UGT2B17: variants seen among roughly 807,000 people sequenced by gnomAD.
UGT2B17 encodes the protein UDP glucuronosyltransferase family 2 member B17.
A neutral mutation model predicts 48.2 loss-of-function variants in UGT2B17; 21 were observed. The ratio of observed to expected loss-of-function variants is 0.44; its 90% CI spans 0.31 to 0.63. UGT2B17 has a LOEUF of 0.63. Among genes scored for constraint, UGT2B17 ranks in the 20% least tolerant of loss-of-function variants. UGT2B17 has a pLI of 0.08. For synonymous variants in UGT2B17, 146 were observed against 238.4 expected (o/e 0.61, Z 3.57); for missense variants, 402 against 696.1 (o/e 0.58, Z 4.75).
In UGT2B17 at chr4:68,540,006, G is replaced by T. The variant is rs1359291711; in HGVS notation, c.1314-2102C>A. Reference sequence around the variant, plus strand: ...TCACCATGTTGGCCAGGCTGGTCTCGAACTCCTGACCAAATGTGATCCTCC... The same window carrying T: ...TCACCATGTTGGCCAGGCTGGTCTCTAACTCCTGACCAAATGTGATCCTCC... On this transcript the variant is annotated intron_variant, in intron 6 of 6. Transcript: ENST00000317746. Among the ~76,000 whole-genome samples the T allele has an allele frequency of 3.4e-4, 41 of 122,228 alleles. 10 individuals carry two copies. Among genetic ancestry groups the T allele is most frequent in the African/African-American group, 1.1e-3 (38 of 35,810 alleles). 80.2% of individuals were successfully genotyped at this position (122,228 alleles called of 152,430 possible). A position where few individuals can be genotyped will look rare whatever the true frequency, so the allele number is the denominator to read the frequency against.
rs193240814 is a variant in UGT2B17 at position 68,558,324 on chromosome 4, G to A, written c.1005+2213C>T. Among the ~76,000 whole-genome samples the A allele has an allele frequency of 1.5e-3, 185 of 124,684 alleles. 38 individuals carry two copies. The highest frequency in any genetic ancestry group is 4.5e-3 in the African/African-American group (167 of 36,838). The allele number at this position is 124,684 out of a possible 152,430, so 81.8% of individuals were successfully genotyped here. On this transcript the variant is annotated intron_variant, in intron 4 of 6. Coordinates refer to ENST00000317746, the MANE Select transcript of UGT2B17 (RefSeq NM_001077.4). Reference sequence around the variant, plus strand: ...GAATTCTAATTTTTCATGGCTACACGTCTTCAAAATAGTGTCTTCAGGTTT... The same window carrying A: ...GAATTCTAATTTTTCATGGCTACACATCTTCAAAATAGTGTCTTCAGGTTT...
Position 68,559,449 on chromosome 4 carries a change from A to G in UGT2B17, c.1005+1088T>C. On this transcript the variant is annotated intron_variant, in intron 4 of 6. Coordinates refer to ENST00000317746, the MANE Select transcript of UGT2B17 (RefSeq NM_001077.4). Reference sequence around the variant, plus strand: ...TTAGATGATGCACTACCTAGCATTGACAGCCTTGATATATGGTCAGCTATA... The same window carrying G: ...TTAGATGATGCACTACCTAGCATTGGCAGCCTTGATATATGGTCAGCTATA... Among the ~76,000 whole-genome samples the G allele has an allele frequency of 1.6e-5, 2 of 126,156 alleles. 1 individual carries two copies. The highest frequency in any genetic ancestry group is 3.4e-5 in the Non-Finnish European group (2 of 59,578). 82.8% of individuals were successfully genotyped at this position (126,156 alleles called of 152,430 possible). A position where few individuals can be genotyped will look rare whatever the true frequency, so the allele number is the denominator to read the frequency against.
At position 68,572,523 on chromosome 4, in the gene UGT2B17, TGTGA is replaced by T. The variant is rs2109780671; in HGVS notation, c.-65+3424_-65+3427del. ...TGATATTAGTGTTAGTCAGTTTTGT[TGTGA>T]GTGTTAGAAAGAGGGCATATAGAAC... On this transcript the variant is annotated intron_variant, in intron 1 of 6. Transcript: ENST00000317746. 1.6e-5 allele frequency among the ~76,000 whole-genome samples: 2 copies of T among 126,432 alleles called. 1 individual carries two copies. Among genetic ancestry groups the T allele is most frequent in the African/African-American group, 5.4e-5 (2 of 36,920 alleles). The allele number at this position is 126,432 out of a possible 152,430, so 82.9% of individuals were successfully genotyped here.
intron 1 of UGT2B17, among the ~76,000 whole-genome samples, chr4:68,572,446 T>A (rs1435827138): frequency 7.9e-6 from 1 of 126,262 alleles, no homozygotes; most frequent in African/African-American, 2.7e-5. Context: ...ATACAAACAA[T>A]TTGTTGTTGT....
intron 5 of UGT2B17, 80 bp from the exon 6 acceptor site, chr4:68,550,976 T>G: frequency 9.3e-7 from 1 of 1,078,372 alleles, no homozygotes; most frequent in South Asian, 2.4e-5. Context: ...ATAAGGAACT[T>G]AAAGCAAAAC....
chr4:68,542,987 C>A lies in UGT2B17; in HGVS notation c.1314-5083G>T, dbSNP rs138306748. Among the ~76,000 whole-genome samples the A allele has an allele frequency of 2.4e-5, 3 of 126,540 alleles. 1 individual carries two copies. The highest frequency in any genetic ancestry group is 5.0e-5 in the Non-Finnish European group (3 of 59,636). 83.0% of individuals were successfully genotyped at this position (126,540 alleles called of 152,430 possible). A position where few individuals can be genotyped will look rare whatever the true frequency, so the allele number is the denominator to read the frequency against. ...GCCCACCGCAGCTCAAGGACGCCTGCCTGCCTCTGTAGATCCACCTCTGGG... is the reference window on the plus strand; with the variant it reads ...GCCCACCGCAGCTCAAGGACGCCTGACTGCCTCTGTAGATCCACCTCTGGG... On this transcript the variant is annotated intron_variant, in intron 6 of 6. Transcript: ENST00000317746.
chr4:68,558,991 C>G (rs2109771255), intron 4 of UGT2B17, among the ~76,000 whole-genome samples: 1 of 125,460 alleles, frequency 8.0e-6, no homozygotes, highest in Non-Finnish European at 1.7e-5. Context: ...ACAAGATTAT[C>G]AATGAAATAT....
At position 68,544,825 on chromosome 4, in the gene UGT2B17, G is replaced by A. The variant is rs1338500854; in HGVS notation, c.1313+5852C>T. 1.6e-5 allele frequency among the ~76,000 whole-genome samples: 2 copies of A among 125,464 alleles called. 1 individual carries two copies. The highest frequency in any genetic ancestry group is 5.4e-5 in the African/African-American group (2 of 36,702). The allele number at this position is 125,464 out of a possible 152,430, so 82.3% of individuals were successfully genotyped here. ...CTCTGATAAAACAGACTTTAAACCAGCAAAGATCAAAAGAGACAAGGCCAT... is the reference window on the plus strand; with the variant it reads ...CTCTGATAAAACAGACTTTAAACCAACAAAGATCAAAAGAGACAAGGCCAT... On this transcript the variant is annotated intron_variant, in intron 6 of 6. Coordinates refer to ENST00000317746, the MANE Select transcript of UGT2B17 (RefSeq NM_001077.4).
At position 68,545,449 on chromosome 4, in the gene UGT2B17, C is replaced by T. The variant is rs1462884151; in HGVS notation, c.1313+5228G>A. ...AGTGTGTAGATGGAAATTTATAGCACTAAATGCCCACAAGAGAAAGCAGGA... is the reference window on the plus strand; with the variant it reads ...AGTGTGTAGATGGAAATTTATAGCATTAAATGCCCACAAGAGAAAGCAGGA... On this transcript the variant is annotated intron_variant, in intron 6 of 6. Transcript: ENST00000317746. Among the ~76,000 whole-genome samples the T allele has an allele frequency of 3.2e-5, 4 of 124,214 alleles. 2 individuals are homozygous for T. Among genetic ancestry groups the T allele is most frequent in the African/African-American group, 1.1e-4 (4 of 36,080 alleles). The allele number at this position is 124,214 out of a possible 152,430, so 81.5% of individuals were successfully genotyped here.
intron 3 of UGT2B17, among the ~76,000 whole-genome samples, chr4:68,562,593 T>G (rs1440384971): frequency 7.9e-6 from 1 of 126,114 alleles, no homozygotes; most frequent in African/African-American, 2.7e-5. Context: ...TAAAAAATCG[T>G]CTGTTTATAG....
intron 6 of UGT2B17, among the ~76,000 whole-genome samples, chr4:68,542,475 C>A (rs1225767740): frequency 7.9e-6 from 1 of 126,082 alleles, no homozygotes; most frequent in Non-Finnish European, 1.7e-5. Flanking sequence ...CCAAGATGGC[C>A]GAATAAGAAC....
At position 68,547,028 on chromosome 4, in the gene UGT2B17, TC is replaced by T. The variant is rs1421012315; in HGVS notation, c.1313+3648del. Among the ~76,000 whole-genome samples the T allele has an allele frequency of 3.5e-4, 42 of 120,814 alleles. 10 individuals are homozygous for T. Among genetic ancestry groups the T allele is most frequent in the African/African-American group, 1.1e-3 (40 of 35,616 alleles). The allele number at this position is 120,814 out of a possible 152,430, so 79.3% of individuals were successfully genotyped here. A position where few individuals can be genotyped will look rare whatever the true frequency, so the allele number is the denominator to read the frequency against. On this transcript the variant is annotated intron_variant, in intron 6 of 6. Transcript: ENST00000317746. ...AAGGTAATTTATAGATCCAATGCCA[TC>T]CCCATCAAGCTACCAATGACTTTCT...
rs200297329 is a variant in UGT2B17, at chr4:68,565,557, C to T, written c.873+15G>A. 27 of 1,353,002 alleles carry T rather than the reference C, an allele frequency of 2.0e-5. 6 individuals are homozygous for T. Among genetic ancestry groups the T allele is most frequent in the Non-Finnish European group, 2.6e-5 (27 of 1,042,716 alleles). The allele number at this position is 1,353,002 out of a possible 1,614,324, so 83.8% of individuals were successfully genotyped here. ...GAAAATGTCAAGCAAACAAATGAAA[C>T]AAGAATATGTTCACCTTAGGCAAGG... is the stretch of plus-strand genomic sequence containing the variant. On this transcript the variant is annotated intron_variant, in intron 3 of 6. Coordinates refer to ENST00000317746, the MANE Select transcript of UGT2B17 (RefSeq NM_001077.4).
rs147404615 is a variant in UGT2B17 at position 68,551,834 on chromosome 4, A to G, written c.1083T>C (p.Asn361=). 40 of 1,348,588 alleles carry G rather than the reference A, an allele frequency of 3.0e-5. 6 individuals are homozygous for G. The African/African-American group carries it at 4.8e-4, about 16-fold the overall frequency. 83.5% of individuals were successfully genotyped at this position (1,348,588 alleles called of 1,614,324 possible). Residue 361 remains asparagine (N), a synonymous_variant, in exon 5 of 7, where the codon AAT becomes AAC. Transcript: ENST00000317746. ...NTRLYKWLPQ[N]DLLGHPKTKA... is the part of the protein sequence containing the mutation. ...TCTCCAGAGTCTTACCAAGAAGGTC[A>G]TTCTGGGGTAACCACTTATACAGTC...
Position 68,537,489 on chromosome 4 carries a change from A to G in UGT2B17, c.*136T>C. On this transcript the variant is annotated 3_prime_UTR_variant, in exon 7 of 7. Transcript: ENST00000317746. ...TACATATTAAATTCCTGGAAAATAA[A>G]TTTTGACTTAACAGGGTAAGTTGTG... The G allele has an allele frequency of 1.3e-6, 1 of 760,576 alleles. No individual in the cohort carries two copies. Among genetic ancestry groups the G allele is most frequent in the Non-Finnish European group, 1.8e-6 (1 of 569,078 alleles). The allele number at this position is 760,576 out of a possible 1,614,324, so 47.1% of individuals were successfully genotyped here.
At chr4:68,575,362 T>C (rs1444666757) in intron 1 of UGT2B17, among the ~76,000 whole-genome samples, 1 of 123,536 alleles carries the variant, frequency 8.1e-6, no homozygotes, top group African/African-American at 2.8e-5. Context: ...GTGCCATACC[T>C]TAGAAACTAA....
chr4:68,572,234 G>A lies in UGT2B17; in HGVS notation c.-64-3686C>T, dbSNP rs563466041. On this transcript the variant is annotated intron_variant, in intron 1 of 6. Transcript: ENST00000317746. ...TTTCATGCTGCTTACTATTAATAGCGGCACAAGTGTCAAATTTTAAGGTTA... is the reference window on the plus strand; with the variant it reads ...TTTCATGCTGCTTACTATTAATAGCAGCACAAGTGTCAAATTTTAAGGTTA... 7.2e-3 allele frequency among the ~76,000 whole-genome samples: 899 copies of A among 125,132 alleles called. 182 individuals carry two copies. The highest frequency in any genetic ancestry group is 0.023 in the African/African-American group (852 of 36,598). The allele number at this position is 125,132 out of a possible 152,430, so 82.1% of individuals were successfully genotyped here. A position where few individuals can be genotyped will look rare whatever the true frequency, so the allele number is the denominator to read the frequency against.
intron 1 of UGT2B17, among the ~76,000 whole-genome samples, chr4:68,573,110 G>A (rs1731319756): frequency 7.8e-6 from 1 of 127,398 alleles, no homozygotes; most frequent in African/African-American, 2.7e-5. Flanking sequence ...ACAGCATGGG[G>A]AGACTTTATG....
intron 6 of UGT2B17, among the ~76,000 whole-genome samples, chr4:68,540,521 A>G (rs1442377957): frequency 7.9e-6 from 1 of 126,432 alleles, no homozygotes; most frequent in Non-Finnish European, 1.7e-5. Context: ...ACAGGGTTTC[A>G]CTATGTTGGC....
Sources: allele counts gnomAD v4.1 joint callset (sites outside exome capture counted in the v4.1 genomes callset), GRCh38; gene constraint gnomAD v4.1.1; transcripts MANE v1.5; gene names NCBI Gene and HGNC (gene_info 2026-07-23, HGNC 2026-07-21).